The following USP44 variants were observed in gnomAD, a reference collection of about 807,000 sequenced individuals.
USP44 encodes ubiquitin carboxyl-terminal hydrolase 44.
In USP44, 61 loss-of-function variants were observed where a neutral mutation model predicts 69.0. That is an observed-to-expected ratio of 0.88 (90% CI 0.72 to 1.09). USP44 has a LOEUF of 1.09. Among genes scored for constraint, USP44 ranks in the 50% least tolerant of loss-of-function variants. The pLI is 0.00. For synonymous variants in USP44, 297 were observed against 295.4 expected (o/e 1.01, Z -0.06); for missense variants, 753 against 849.9 (o/e 0.89, Z 1.42).
Position 95,533,012 on chromosome 12 carries a change from G to C in USP44, c.1245C>G (p.Ala415=). Residue 415 remains alanine, a synonymous_variant, in exon 2 of 6, where the codon GCC becomes GCG. Transcript: ENST00000258499. ...CGTCTTGTTGGGCGTAACCACGAAA[G>C]GCAGGAATGAGTCTCCACACTGAGT... The part of the protein sequence containing the change: ...MLHSVWRLIP[A]FRGYAQQDAQ... The C allele has an allele frequency of 6.2e-7, 1 of 1,614,190 alleles. No individual in the cohort carries two copies.
At chr12:95,550,183 GAAAAAA>G (rs570350053) in intron 1 of USP44, among the ~76,000 whole-genome samples, 1 of 93,328 alleles carries the variant, frequency 1.1e-5, no homozygotes, top group Non-Finnish European at 2.2e-5. Flanking sequence ...CTCCGTCTCA[GAAAAAA>G]AAAAAAAAAA....
At chr12:95,550,654 A>T (rs2077708580) in intron 1 of USP44, among the ~76,000 whole-genome samples, 1 of 152,228 alleles carries the variant, frequency 6.6e-6, no homozygotes, top group African/African-American at 2.4e-5. Context: ...TTCCTATTAT[A>T]ATGCCATAAA....
rs752550122 is a variant in USP44, at chr12:95,518,143, T to C, written c.*11A>G. The C allele has an allele frequency of 4.3e-6, 7 of 1,613,776 alleles. No homozygotes were observed. Among genetic ancestry groups the C allele is most frequent in the Non-Finnish European group, 5.9e-6 (7 of 1,179,804 alleles). On this transcript the variant is annotated 3_prime_UTR_variant, in exon 6 of 6. Coordinates refer to ENST00000258499, the MANE Select transcript of USP44 (RefSeq NM_032147.5). ...TATAAATCACAGGAAGAAAACCCCA[T>C]TGTCTTTGGATCAGCTAAGGATTTC...
intron 3 of USP44, among the ~76,000 whole-genome samples, chr12:95,526,136 T>C (rs900089484): frequency 4.6e-5 from 7 of 152,202 alleles, no homozygotes; most frequent in Non-Finnish European, 1.0e-4. Context: ...AGTAAACACA[T>C]AGAAATTTGC....
At chr12:95,524,904 A>T in intron 3 of USP44, 116 bp from the exon 4 acceptor site, 1 of 957,732 alleles carries the variant, frequency 1.0e-6, no homozygotes, top group Non-Finnish European at 1.5e-6. Context: ...TGTTCCAGGC[A>T]TTGTACTGTG....
intron 1 of USP44, among the ~76,000 whole-genome samples, chr12:95,542,930 T>C: frequency 7.0e-6 from 1 of 142,110 alleles, no homozygotes; most frequent in East Asian, 2.1e-4. Context: ...TACTAAAAAA[T>C]ACAAAAAATT....
intron 1 of USP44, among the ~76,000 whole-genome samples, chr12:95,539,270 G>A (rs562894262): frequency 9.0e-4 from 132 of 146,626 alleles, no homozygotes; most frequent in Middle Eastern, 7.3e-3. Flanking sequence ...CTGTCAACCA[G>A]GCTGGAGTGC....
rs2077720200 is a variant in USP44 at position 95,551,460 on chromosome 12, C to G, written c.-259G>C. ...ACCTCTTTCAGGTTTGGCTTAAACT[C>G]TCACCTCCTGGAAACTGCTTTCCTG... On this transcript the variant is annotated 5_prime_UTR_variant, in exon 1 of 6. Coordinates refer to ENST00000258499, the MANE Select transcript of USP44 (RefSeq NM_032147.5). 6.6e-6 allele frequency: 1 copy of G among 152,664 alleles called. No homozygotes were observed. Among genetic ancestry groups the G allele is most frequent in the Non-Finnish European group, 1.5e-5 (1 of 68,090 alleles). The allele number at this position is 152,664 out of a possible 1,614,324, so 9.5% of individuals were successfully genotyped here.
At chr12:95,530,453 T>G in intron 2 of USP44, among the ~76,000 whole-genome samples, 1 of 152,052 alleles carries the variant, frequency 6.6e-6, no homozygotes, top group East Asian at 1.9e-4. Flanking sequence ...AGACCTTGTC[T>G]CTATAAAAAA....
At chr12:95,522,199 A>G (rs370600557) in intron 4 of USP44, 5 of 722,442 alleles carry the variant, frequency 6.9e-6, no homozygotes, top group South Asian at 6.3e-5. Flanking sequence ...GACAAGGCAG[A>G]CATAGATAAA....
chr12:95,519,880 A>T (rs2076599680), intron 5 of USP44, among the ~76,000 whole-genome samples: 1 of 151,238 alleles, frequency 6.6e-6, no homozygotes, highest in Non-Finnish European at 1.5e-5. Flanking sequence ...TCTCTACTAA[A>T]AATACAAAAA....
chr12:95,525,828 A>G (rs1004139059), intron 3 of USP44, among the ~76,000 whole-genome samples: 1 of 152,008 alleles, frequency 6.6e-6, no homozygotes, highest in Non-Finnish European at 1.5e-5. Context: ...CTATCCTTCA[A>G]CTTGTACACC....
In USP44 at chr12:95,518,073, A is replaced by G; in HGVS notation, c.*81T>C. ...TGTAGTATACACTGATTCACAAGAA[A>G]AAATGAAGTTTAAAATGGTACATCA... On this transcript the variant is annotated 3_prime_UTR_variant, in exon 6 of 6. Transcript: ENST00000258499. 2 of 1,487,240 alleles carry G rather than the reference A, an allele frequency of 1.3e-6. No individual in the cohort carries two copies. The highest frequency in any genetic ancestry group is 2.3e-5 in the East Asian group (1 of 43,694). The allele number at this position is 1,487,240 out of a possible 1,614,324, so 92.1% of individuals were successfully genotyped here. A position where few individuals can be genotyped will look rare whatever the true frequency, so the allele number is the denominator to read the frequency against.
At chr12:95,529,126 T>A (rs2076942351) in intron 2 of USP44, 124 bp from the exon 3 acceptor site, 3 of 802,584 alleles carry the variant, frequency 3.7e-6, no homozygotes, top group Admixed American at 3.4e-5. Flanking sequence ...GGATTCTGAA[T>A]AATCTGCTTT....
intron 5 of USP44, among the ~76,000 whole-genome samples, chr12:95,520,768 T>C (rs1178378769): frequency 6.6e-6 from 1 of 152,172 alleles, no homozygotes; most frequent in Non-Finnish European, 1.5e-5. Flanking sequence ...AACAAGACTA[T>C]CCTCATTATT....
rs1435627202 is a variant in USP44 at position 95,518,153 on chromosome 12, A to G, written c.*1T>C. 2 of 1,614,116 alleles carry G rather than the reference A, an allele frequency of 1.2e-6. No homozygotes were observed. The highest frequency in any genetic ancestry group is 3.3e-5 in the Admixed American group (2 of 60,020). ...AGGAAGAAAACCCCATTGTCTTTGG[A>G]TCAGCTAAGGATTTCATTAGACGAG... On this transcript the variant is annotated 3_prime_UTR_variant, in exon 6 of 6. Transcript: ENST00000258499.
intron 3 of USP44, among the ~76,000 whole-genome samples, chr12:95,527,043 A>G (rs955739465): frequency 2.6e-5 from 4 of 151,468 alleles, no homozygotes; most frequent in Admixed American, 1.3e-4. Context: ...GTAGCATTTT[A>G]TCCCTCACCC....
chr12:95,522,020 C>T, intron 4 of USP44: 1 of 985,142 alleles, frequency 1.0e-6, no homozygotes. Context: ...AAAGAATGCC[C>T]TTACCCTGTT....
intron 3 of USP44, among the ~76,000 whole-genome samples, chr12:95,527,487 T>C (rs1397741908): frequency 3.9e-5 from 6 of 152,074 alleles, no homozygotes; most frequent in Non-Finnish European, 7.4e-5. Flanking sequence ...CAGTAGATGT[T>C]TTTGTGTGTT....
Sources: gnomAD v4.1 joint callset for allele counts (sites outside exome capture counted in the v4.1 genomes callset) on GRCh38, gnomAD v4.1.1 for gene constraint, MANE v1.5 for transcripts, NCBI Gene and HGNC (gene_info 2026-07-23, HGNC 2026-07-21) for gene names.